Variants in SLC35F1 observed in about 807,000 individuals in gnomAD.
SLC35F1 encodes the protein chromosome 6 open reading frame 169.
In SLC35F1, 14 loss-of-function variants were observed where a neutral mutation model predicts 48.7. That is an observed-to-expected ratio of 0.29 (90% CI 0.19 to 0.45). The LOEUF is 0.45. SLC35F1 is among the 20% of genes least tolerant of loss of function. The pLI, the probability that SLC35F1 is intolerant of heterozygous loss-of-function variation, is 1.00. For synonymous variants in SLC35F1, 190 were observed against 202.2 expected, an observed-to-expected ratio of 0.94 and a Z score of 0.51; for missense variants, 404 against 500.0, an observed-to-expected ratio of 0.81 and a Z score of 1.83.
At chr6:118,073,239 T>C (rs1249891209) in intron 1 of SLC35F1, among the ~76,000 whole-genome samples, 1 of 152,158 alleles carries the variant, frequency 6.6e-6, no homozygotes, top group East Asian at 1.9e-4. Context: ...ATGTATGAAA[T>C]AGAGGCTAAA....
chr6:118,264,625 C>A (rs560529620), intron 3 of SLC35F1, among the ~76,000 whole-genome samples: 1 of 152,342 alleles, frequency 6.6e-6, no homozygotes, highest in African/African-American at 2.4e-5. Context: ...TGGACCATGG[C>A]CTAGCTTGCC....
intron 2 of SLC35F1, among the ~76,000 whole-genome samples, chr6:118,210,437 A>G (rs1774987979): frequency 1.3e-5 from 2 of 152,346 alleles, no homozygotes; most frequent in South Asian, 4.1e-4. Flanking sequence ...TGCTTGAATT[A>G]AAAACAAAAC....
intron 1 of SLC35F1, among the ~76,000 whole-genome samples, chr6:118,136,709 T>G (rs1212087985): frequency 6.6e-6 from 1 of 152,226 alleles, no homozygotes; most frequent in Admixed American, 6.5e-5. Context: ...AGATGTATTC[T>G]GGGATTGTCA....
intron 1 of SLC35F1, among the ~76,000 whole-genome samples, chr6:117,924,068 TAC>T (rs1775985356): frequency 1.3e-5 from 2 of 149,940 alleles, no homozygotes; most frequent in Non-Finnish European, 3.0e-5. Flanking sequence ...CACACATAGG[TAC>T]ACATGCATAT....
intron 1 of SLC35F1, among the ~76,000 whole-genome samples, chr6:118,021,901 G>T (rs1752813156): frequency 6.6e-6 from 1 of 152,136 alleles, no homozygotes; most frequent in African/African-American, 2.4e-5. Flanking sequence ...TGTCACTGGG[G>T]CCTCTGTCTT....
chr6:118,299,268 G>T (rs1244367370), intron 7 of SLC35F1, among the ~76,000 whole-genome samples: 1 of 152,150 alleles, frequency 6.6e-6, no homozygotes, highest in Admixed American at 6.5e-5. Flanking sequence ...TGTGTCCATA[G>T]AGACAAATCT....
chr6:118,212,768 AAGG>A (rs1775021305), intron 2 of SLC35F1, among the ~76,000 whole-genome samples: 1 of 131,816 alleles, frequency 7.6e-6, no homozygotes, highest in Non-Finnish European at 1.7e-5. Flanking sequence ...GGAAGGAAGG[AAGG>A]AAGGAAGGAA....
At chr6:118,103,185 T>C (rs1471220648) in intron 1 of SLC35F1, among the ~76,000 whole-genome samples, 1 of 152,164 alleles carries the variant, frequency 6.6e-6, no homozygotes, top group East Asian at 1.9e-4. Flanking sequence ...AGTTGATGGC[T>C]AATTTGTCTT....
intron 1 of SLC35F1, among the ~76,000 whole-genome samples, chr6:118,127,097 G>A (rs1435997921): frequency 6.7e-6 from 1 of 149,954 alleles, no homozygotes; most frequent in Non-Finnish European, 1.5e-5. Flanking sequence ...TGCCCATTCA[G>A]TATGATATTG....
chr6:118,286,001 C>T (rs1473678800), intron 7 of SLC35F1, among the ~76,000 whole-genome samples: 2 of 152,170 alleles, frequency 1.3e-5, no homozygotes, highest in Non-Finnish European at 2.9e-5. Context: ...GATTATGGCA[C>T]ACTGAGGTCA....
intron 2 of SLC35F1, among the ~76,000 whole-genome samples, chr6:118,209,712 A>C (rs998987972): frequency 5.3e-5 from 8 of 152,054 alleles, no homozygotes; most frequent in African/African-American, 1.9e-4. Context: ...AGGAGTTTTA[A>C]TAATTGCTAA....
intron 1 of SLC35F1, among the ~76,000 whole-genome samples, chr6:117,914,163 C>T (rs1030419381): frequency 2.7e-5 from 4 of 150,406 alleles, no homozygotes; most frequent in Non-Finnish European, 4.4e-5. Context: ...TATACACACA[C>T]GTGTATATGT....
intron 1 of SLC35F1, among the ~76,000 whole-genome samples, chr6:118,115,158 G>C (rs1310305783): frequency 6.6e-6 from 1 of 152,150 alleles, no homozygotes; most frequent in Admixed American, 6.5e-5. Flanking sequence ...TCTTCCATGA[G>C]CTTGTCGAAG....
At chr6:118,181,251 T>A (rs1774574114) in intron 2 of SLC35F1, among the ~76,000 whole-genome samples, 1 of 152,104 alleles carries the variant, frequency 6.6e-6, no homozygotes, top group Non-Finnish European at 1.5e-5. Context: ...GTTCAAATCA[T>A]AATGATACTG....
intron 2 of SLC35F1, among the ~76,000 whole-genome samples, chr6:118,170,262 T>C (rs1281507017): frequency 6.6e-6 from 1 of 152,166 alleles, no homozygotes; most frequent in East Asian, 1.9e-4. Flanking sequence ...TTAATAAAAA[T>C]CTTTGAATCA....
intron 7 of SLC35F1, among the ~76,000 whole-genome samples, chr6:118,297,665 A>AT (rs1232010856): frequency 3.5e-5 from 4 of 115,458 alleles, no homozygotes; most frequent in Non-Finnish European, 7.0e-5. Flanking sequence ...TATATATAAT[A>AT]TTATATAAGT....
chr6:118,055,806 G>A (rs1772455576), intron 1 of SLC35F1, among the ~76,000 whole-genome samples: 1 of 152,206 alleles, frequency 6.6e-6, no homozygotes, highest in Non-Finnish European at 1.5e-5. Context: ...ACATGCGTAA[G>A]CTGCTACTAC....
chr6:117,973,947 T>A (rs1173940412), intron 1 of SLC35F1, among the ~76,000 whole-genome samples: 1 of 152,184 alleles, frequency 6.6e-6, no homozygotes. Flanking sequence ...AATCTTGACA[T>A]TGCTTTGGGT....
chr6:118,220,457 C>T (rs1445312768), intron 2 of SLC35F1, among the ~76,000 whole-genome samples: 1 of 152,156 alleles, frequency 6.6e-6, no homozygotes, highest in African/African-American at 2.4e-5. Context: ...ACAGTTGGTT[C>T]CAGTCACCAG....
Sources: allele counts gnomAD v4.1 joint callset (sites outside exome capture counted in the v4.1 genomes callset), GRCh38; gene constraint gnomAD v4.1.1; transcripts MANE v1.5; gene names NCBI Gene and HGNC (gene_info 2026-07-23, HGNC 2026-07-21).